CLEC4F: variants seen among roughly 807,000 people sequenced by gnomAD.
The protein encoded by CLEC4F is C-type lectin domain family 4 member F, also known as C-type (calcium dependent, carbohydrate-recognition domain) lectin, superfamily member 13.
CLEC4F carries 45 observed loss-of-function variants against 53.4 expected under a neutral mutation model. The ratio of observed to expected loss-of-function variants is 0.84; its 90% CI spans 0.66 to 1.08. The LOEUF is 1.08. Ranked by LOEUF, CLEC4F falls within the 50% of genes least tolerant of loss-of-function variation. The pLI is 0.00. For synonymous variants in CLEC4F, 245 were observed against 257.5 expected (o/e 0.95, Z 0.46); for missense variants, 753 against 698.2 (o/e 1.08, Z -0.88).
At chr2:70,813,181 C>T (rs1425374193) in intron 4 of CLEC4F, among the ~76,000 whole-genome samples, 2 of 152,184 alleles carry the variant, frequency 1.3e-5, no homozygotes, top group African/African-American at 2.4e-5. Context: ...GAAATGGTGC[C>T]GCACAAGCTC....
chr2:70,810,817 G>A, intron 5 of CLEC4F: 1 of 528,580 alleles, frequency 1.9e-6, no homozygotes, highest in Non-Finnish European at 3.7e-6. Flanking sequence ...ACTTTCCCCA[G>A]AAATTGAATT....
rs782002821 is a variant in CLEC4F at position 70,816,431 on chromosome 2, A to G, written c.950T>C (p.Ile317Thr). The change falls in exon 4 of 7, where the codon ATC (isoleucine) becomes ACC (threonine). Residue 317 changes from isoleucine to threonine, a missense_variant. By Grantham distance (89) the Ile-to-Thr change is moderately conservative. Transcript: ENST00000272367. ...KSSFDNTSAE[I>T]QFLRGHLERA... ...TTCCAAATGACCTCTTAAGAACTGG[A>G]TCTCAGCACTAGTGTTGTCAAAACT... 6.2e-7 allele frequency: 1 copy of G among 1,614,068 alleles called. No individual in the cohort carries two copies. Among genetic ancestry groups the G allele is most frequent in the South Asian group, 1.1e-5 (1 of 91,052 alleles).
chr2:70,813,510 C>CTTT (rs1168277806), intron 4 of CLEC4F, among the ~76,000 whole-genome samples: 6 of 83,630 alleles, frequency 7.2e-5, no homozygotes, highest in Non-Finnish European at 1.4e-4. Flanking sequence ...TTCTTTCTTT[C>CTTT]TTTTCTTTCT....
upstream of CLEC4F, among the ~76,000 whole-genome samples, chr2:70,822,532 G>A (rs1163273649): frequency 2.6e-5 from 4 of 152,140 alleles, no homozygotes; most frequent in East Asian, 7.7e-4. Context: ...CTGTGCAAAC[G>A]TGATGTCCCT....
upstream of CLEC4F, among the ~76,000 whole-genome samples, chr2:70,823,592 G>C (rs1235844406): frequency 6.6e-6 from 1 of 151,836 alleles, no homozygotes; most frequent in Non-Finnish European, 1.5e-5. Context: ...TTCTTCCCTG[G>C]CCTCCCCACC....
upstream of CLEC4F, among the ~76,000 whole-genome samples, chr2:70,823,443 C>A (rs1323230168): frequency 6.6e-6 from 1 of 152,188 alleles, no homozygotes; most frequent in Non-Finnish European, 1.5e-5. Flanking sequence ...TTTCCCCATA[C>A]ACAGGAAGGG....
chr2:70,810,303 C>T (rs1553393867), intron 5 of CLEC4F, among the ~76,000 whole-genome samples: 2 of 152,074 alleles, frequency 1.3e-5, no homozygotes, highest in African/African-American at 4.8e-5. Context: ...GAATATACAG[C>T]TTATGAATAA....
At chr2:70,810,735 GAT>G (rs2104627257) in intron 5 of CLEC4F, 1 of 426,674 alleles carries the variant, frequency 2.3e-6, no homozygotes, top group African/African-American at 2.1e-5. Context: ...TGTCTAAAAT[GAT>G]ATATACAGTA....
chr2:70,811,908 C>G (rs973788912), intron 5 of CLEC4F, among the ~76,000 whole-genome samples: 6 of 151,482 alleles, frequency 4.0e-5, no homozygotes, highest in Non-Finnish European at 7.4e-5. Flanking sequence ...CCCATTTCTA[C>G]AAAAAAAATA....
In CLEC4F at chr2:70,808,911, C is replaced by T. The variant is rs1676379700; in HGVS notation, c.*360G>A. The T allele has an allele frequency of 3.1e-6, 2 of 647,742 alleles. No homozygotes were observed. The highest frequency in any genetic ancestry group is 5.3e-6 in the Non-Finnish European group (2 of 375,220). The allele number at this position is 647,742 out of a possible 1,614,324, so 40.1% of individuals were successfully genotyped here. A position where few individuals can be genotyped will look rare whatever the true frequency, so the allele number is the denominator to read the frequency against. ...CAGTATTGGCAAGCAGGAGCAGCCC[C>T]TCAGCTCTGGCCTGCCCTCAGGCCA... On this transcript the variant is annotated 3_prime_UTR_variant, in exon 7 of 7. Coordinates refer to ENST00000272367, the MANE Select transcript of CLEC4F (RefSeq NM_173535.3).
At chr2:70,820,610 C>A (rs1299819049), upstream of CLEC4F, 8 of 1,304,744 alleles carry the variant, frequency 6.1e-6, no homozygotes, top group Admixed American at 6.3e-5. Flanking sequence ...GGAAGCAAAG[C>A]TGAGACACCC....
intron 3 of CLEC4F, among the ~76,000 whole-genome samples, chr2:70,818,132 G>A (rs983918479): frequency 1.6e-4 from 24 of 152,172 alleles, no homozygotes; most frequent in African/African-American, 5.5e-4. Flanking sequence ...CACTGCCTAT[G>A]TAGATGTGTG....
At chr2:70,819,322 C>T (rs1553397200) in intron 3 of CLEC4F, 33 bp downstream of exon 3, 1 of 1,569,908 alleles carries the variant, frequency 6.4e-7, no homozygotes, top group Admixed American at 1.7e-5. Flanking sequence ...GCCCCAGTTC[C>T]CTCTGCACCC....
intron 3 of CLEC4F, among the ~76,000 whole-genome samples, chr2:70,818,330 ATAACTTT>A (rs1677042234): frequency 6.6e-6 from 1 of 152,260 alleles, no homozygotes; most frequent in Admixed American, 6.5e-5. Context: ...ACGGAGAAAG[ATAACTTT>A]TTCAACAAAT....
chr2:70,817,213 G>A, intron 3 of CLEC4F, 101 bp from the exon 4 acceptor site: 3 of 1,242,476 alleles, frequency 2.4e-6, no homozygotes, highest in South Asian at 3.1e-5. Flanking sequence ...AGGGAAATGG[G>A]TACTGCACAG....
At position 70,816,113 on chromosome 2, in the gene CLEC4F, C is replaced by T; in HGVS notation, c.1268G>A (p.Arg423Lys). The change falls in exon 4 of 7, where the codon AGG becomes AAG. Residue 423 changes from arginine (R) to lysine (K), a missense_variant. Coordinates refer to ENST00000272367, the MANE Select transcript of CLEC4F (RefSeq NM_173535.3). ...NLQKASAEIQ[R>K]LRGDLENTKA... ...GGTGTTCTCTAGATCCCCTCTTAACCTCTGGATCTCGGCACTGGCCTTCTG... is the reference window on the plus strand; with the variant it reads ...GGTGTTCTCTAGATCCCCTCTTAACTTCTGGATCTCGGCACTGGCCTTCTG... The T allele has an allele frequency of 6.2e-6, 10 of 1,614,202 alleles. No homozygotes were observed. Among genetic ancestry groups the T allele is most frequent in the Non-Finnish European group, 8.5e-6 (10 of 1,180,032 alleles).
chr2:70,809,065 T>G lies in CLEC4F; in HGVS notation c.*206A>C. The G allele has an allele frequency of 1.9e-6, 3 of 1,542,820 alleles. No homozygotes were observed. Among genetic ancestry groups the G allele is most frequent in the Non-Finnish European group, 2.6e-6 (3 of 1,146,540 alleles). ...CTTGTGCCGCCAGTTGTCAGACTGA[T>G]TCTTTTCCCAAAACCCGAAGACAAC... On this transcript the variant is annotated 3_prime_UTR_variant, in exon 7 of 7. Coordinates refer to ENST00000272367, the MANE Select transcript of CLEC4F (RefSeq NM_173535.3).
intron 4 of CLEC4F, among the ~76,000 whole-genome samples, chr2:70,815,613 A>G (rs1487812500): frequency 5.3e-5 from 8 of 152,194 alleles, no homozygotes; most frequent in African/African-American, 1.9e-4. Context: ...TGCAAATATT[A>G]TTGTCTCCCC....
Position 70,819,414 on chromosome 2 carries a change from G to T in CLEC4F, c.209C>A (p.Pro70His), listed in dbSNP as rs1553397262. The T allele has an allele frequency of 6.2e-7, 1 of 1,614,144 alleles. No homozygotes were observed. The highest frequency in any genetic ancestry group is 1.7e-5 in the Admixed American group (1 of 60,030). Reference sequence around the variant, plus strand: ...GTCTCCCAGAATTACGGCTTGCACAGGCTTCGGAACAGGTCTTGTCTGCTG... The same window carrying T: ...GTCTCCCAGAATTACGGCTTGCACATGCTTCGGAACAGGTCTTGTCTGCTG... ...VQQQTRPVPK[P>H]VQAVILGDNI... The change falls in exon 3 of 7, where the codon CCT (proline) becomes CAT (histidine). Residue 70 changes from proline (P) to histidine (H), a missense_variant. Physicochemically the swap from Pro to His is moderately conservative, Grantham distance 77. Transcript: ENST00000272367.
Sources: allele counts gnomAD v4.1 joint callset (sites outside exome capture counted in the v4.1 genomes callset), GRCh38; gene constraint gnomAD v4.1.1; transcripts MANE v1.5; gene names NCBI Gene and HGNC (gene_info 2026-07-23, HGNC 2026-07-21).